NFIB: variants seen among roughly 807,000 people sequenced by gnomAD.
NFIB encodes the protein nuclear factor I B.
Under a neutral mutation model 61.5 loss-of-function variants are expected in NFIB, and 11 were observed. The ratio of observed to expected loss-of-function variants is 0.18; its 90% CI spans 0.11 to 0.30. NFIB has a LOEUF of 0.30. Among genes scored for constraint, NFIB ranks in the 10% least tolerant of loss-of-function variants. The pLI is 1.00. For missense variants in NFIB, 471 were observed against 608.9 expected (o/e 0.77, Z 2.38); for synonymous variants, 260 against 216.5 (o/e 1.20, Z -1.76).
At chr9:14,247,500 C>A (rs1816677652) in intron 2 of NFIB, among the ~76,000 whole-genome samples, 1 of 152,202 alleles carries the variant, frequency 6.6e-6, no homozygotes, top group Non-Finnish European at 1.5e-5. Flanking sequence ...GTCATGGAGG[C>A]CTACATGGCA....
chr9:14,492,934 T>G, the NFIB span, among the ~76,000 whole-genome samples: 5 of 152,210 alleles, frequency 3.3e-5, no homozygotes, highest in East Asian at 9.6e-4. Context: ...AACTAACCTC[T>G]CTGAGCTTCA....
intron 2 of NFIB, among the ~76,000 whole-genome samples, chr9:14,277,778 A>G (rs565618508): frequency 1.3e-5 from 2 of 152,344 alleles, no homozygotes; most frequent in African/African-American, 2.4e-5. Context: ...CTCTAAGGCT[A>G]TAACTCTGCT....
chr9:14,489,324 T>C, the NFIB span, among the ~76,000 whole-genome samples: 1 of 152,192 alleles, frequency 6.6e-6, no homozygotes, highest in African/African-American at 2.4e-5. Context: ...AAAAGAGACA[T>C]GTAGTTCATG....
chr9:14,403,731 T>C (rs1313340392), upstream of NFIB, among the ~76,000 whole-genome samples: 1 of 152,220 alleles, frequency 6.6e-6, no homozygotes, highest in East Asian at 1.9e-4. Flanking sequence ...TATTAGTCGG[T>C]TGTCTTTTAA....
At chr9:14,386,201 A>G (rs1440462073) in intron 1 of NFIB, among the ~76,000 whole-genome samples, 1 of 152,234 alleles carries the variant, frequency 6.6e-6, no homozygotes, top group East Asian at 1.9e-4. Context: ...TAAATGTAGC[A>G]TAATATATGT....
chr9:14,319,174 C>T (rs1273196713), intron 1 of NFIB, among the ~76,000 whole-genome samples: 1 of 151,524 alleles, frequency 6.6e-6, no homozygotes, highest in Admixed American at 6.6e-5. Context: ...GCCGAAATGC[C>T]TCTACTCCAC....
At chr9:14,393,308 A>C (rs111405349) in intron 1 of NFIB, among the ~76,000 whole-genome samples, 1 of 152,170 alleles carries the variant, frequency 6.6e-6, no homozygotes, top group East Asian at 1.9e-4. Flanking sequence ...ACATTTCACC[A>C]TCTGGTGTCT....
At chr9:14,222,407 C>T (rs1181915075) in intron 2 of NFIB, among the ~76,000 whole-genome samples, 1 of 152,114 alleles carries the variant, frequency 6.6e-6, no homozygotes, top group African/African-American at 2.4e-5. Context: ...GGTTACCTGA[C>T]ACTAATTCAT....
chr9:14,306,588 T>A (rs1463575686), intron 2 of NFIB, among the ~76,000 whole-genome samples: 2 of 152,188 alleles, frequency 1.3e-5, no homozygotes, highest in Non-Finnish European at 2.9e-5. Flanking sequence ...TAGGATGGTT[T>A]GGCTATTCAT....
chr9:14,461,741 G>A, the NFIB span, among the ~76,000 whole-genome samples: 1 of 152,198 alleles, frequency 6.6e-6, no homozygotes, highest in Non-Finnish European at 1.5e-5. Flanking sequence ...TAATGAAGGA[G>A]GCACAGAGAT....
intron 10 of NFIB, among the ~76,000 whole-genome samples, chr9:14,092,532 C>T (rs1018814607): frequency 3.9e-5 from 6 of 151,972 alleles, no homozygotes; most frequent in Admixed American, 2.6e-4. Flanking sequence ...TATTATATTG[C>T]CTACACAGGA....
chr9:14,137,849 T>C (rs749381525), intron 6 of NFIB, among the ~76,000 whole-genome samples: 11 of 152,090 alleles, frequency 7.2e-5, no homozygotes, highest in Non-Finnish European at 1.3e-4. Context: ...GAAAAGTGAT[T>C]TTAACCTGAT....
At chr9:14,515,520 G>A in the NFIB span, among the ~76,000 whole-genome samples, 1 of 152,078 alleles carries the variant, frequency 6.6e-6, no homozygotes, top group South Asian at 2.1e-4. Context: ...CTAGTGTGGT[G>A]CCAGGAACCC....
chr9:14,373,827 T>C (rs982312133), intron 1 of NFIB, among the ~76,000 whole-genome samples: 2 of 152,176 alleles, frequency 1.3e-5, no homozygotes, highest in Admixed American at 1.3e-4. Flanking sequence ...TCCACATTCA[T>C]TTTAATTATG....
At chr9:14,151,951 G>A (rs973793473) in intron 4 of NFIB, among the ~76,000 whole-genome samples, 1 of 151,976 alleles carries the variant, frequency 6.6e-6, no homozygotes, top group Non-Finnish European at 1.5e-5. Flanking sequence ...TTTTATGGAA[G>A]TTTTCTTACC....
chr9:14,391,814 A>C (rs543785099), intron 1 of NFIB, among the ~76,000 whole-genome samples: 5 of 152,318 alleles, frequency 3.3e-5, no homozygotes, highest in African/African-American at 1.2e-4. Context: ...CAAGTTGCCT[A>C]CTTGGCCCTC....
intron 2 of NFIB, among the ~76,000 whole-genome samples, chr9:14,216,306 A>G (rs962644804): frequency 1.3e-5 from 2 of 152,294 alleles, no homozygotes; most frequent in African/African-American, 4.8e-5. Flanking sequence ...CCCACTGGAA[A>G]GGTGTGCATT....
chr9:14,421,672 T>C, the NFIB span, among the ~76,000 whole-genome samples: 1 of 152,204 alleles, frequency 6.6e-6, no homozygotes, highest in African/African-American at 2.4e-5. Context: ...GTTGGATACA[T>C]TTCGACAAAG....
At chr9:14,125,877 GC>G (rs1388329478) in intron 6 of NFIB, 111 bp from the exon 7 acceptor site, 1 of 1,408,572 alleles carries the variant, frequency 7.1e-7, no homozygotes, top group Non-Finnish European at 9.5e-7. Context: ...TTATACTTTG[GC>G]TCTTTTACAA....
Sources: allele counts gnomAD v4.1 joint callset (sites outside exome capture counted in the v4.1 genomes callset), GRCh38; gene constraint gnomAD v4.1.1; transcripts MANE v1.5; gene names NCBI Gene and HGNC (gene_info 2026-07-23, HGNC 2026-07-21).